The following OXR1 variants were observed in gnomAD, a reference collection of about 807,000 sequenced individuals.
The protein encoded by OXR1 is oxidation resistance 1, also known as oxidation resistance protein 1.
Under a neutral mutation model 104.6 loss-of-function variants are expected in OXR1, and 41 were observed. The ratio of observed to expected loss-of-function variants is 0.39; its 90% CI spans 0.31 to 0.51. The LOEUF is 0.51. Ranked by LOEUF, OXR1 falls within the 20% of genes least tolerant of loss-of-function variation. OXR1 has a pLI of 0.77. For missense variants in OXR1, 955 were observed against 1,031.9 expected (o/e 0.93, Z 1.02); for synonymous variants, 348 against 348.4 (o/e 1.00, Z 0.01).
intron 2 of OXR1, among the ~76,000 whole-genome samples, chr8:106,374,334 G>A (rs1202061414): frequency 6.6e-6 from 1 of 152,026 alleles, no homozygotes; most frequent in Non-Finnish European, 1.5e-5. Context: ...TCTTTTTAAT[G>A]ATTACATTTT....
In OXR1 at chr8:106,606,829, C is replaced by G. The variant is rs535493620; in HGVS notation, c.221-72381C>G. On this transcript the variant is annotated intron_variant, in intron 3 of 16. Coordinates refer to ENST00000517566, the MANE Select transcript of OXR1 (RefSeq NM_001198533.2). ...ATAAGAATATTTTTTAGGGGGTCAT[C>G]ATTCTGCCTACCTTGTTGGAGTACC... Among the ~76,000 whole-genome samples, 6 of 152,224 alleles carry G rather than the reference C, an allele frequency of 3.9e-5. No individual in the cohort carries two copies. The East Asian group carries it at 5.8e-4, about 15-fold the overall frequency.
chr8:106,441,841 A>G (rs1422565801), intron 2 of OXR1, among the ~76,000 whole-genome samples: 1 of 152,206 alleles, frequency 6.6e-6, no homozygotes, highest in East Asian at 1.9e-4. Flanking sequence ...TTTTCAAAAT[A>G]TAAAGACATG....
chr8:106,302,093 GCCT>G lies in OXR1; in HGVS notation c.-139+31730_-139+31732del, dbSNP rs1223893955. 3.3e-5 allele frequency among the ~76,000 whole-genome samples: 5 copies of G among 152,216 alleles called. No homozygotes were observed. In the East Asian group the frequency reaches 9.7e-4, roughly 29 times the overall value. On this transcript the variant is annotated intron_variant, in intron 1 of 16. Coordinates refer to ENST00000517566, the MANE Select transcript of OXR1 (RefSeq NM_001198533.2). ...AGCTTGAAGTCACCTGGGAGTGTTG[GCCT>G]CCTAACTTTATAAAGAGTTCATGGC... is the stretch of plus-strand genomic sequence containing the variant.
chr8:106,748,342 ATTG>A (rs540192097), intron 16 of OXR1, among the ~76,000 whole-genome samples: 14 of 151,978 alleles, frequency 9.2e-5, no homozygotes, highest in Non-Finnish European at 1.3e-4. Flanking sequence ...CAGACTCTGG[ATTG>A]TTATGATTTT....
At chr8:106,642,955 T>A (rs1823782730) in intron 3 of OXR1, among the ~76,000 whole-genome samples, 1 of 152,202 alleles carries the variant, frequency 6.6e-6, no homozygotes. Context: ...TTTAGTGGAT[T>A]CATACTTCTT....
At chr8:106,728,688 A>C (rs1833582299) in intron 11 of OXR1, among the ~76,000 whole-genome samples, 1 of 152,102 alleles carries the variant, frequency 6.6e-6, no homozygotes, top group Non-Finnish European at 1.5e-5. Flanking sequence ...TTAATCATTC[A>C]TTTATTTGAA....
chr8:106,562,461 T>C (rs1433186123), intron 3 of OXR1, among the ~76,000 whole-genome samples: 1 of 152,076 alleles, frequency 6.6e-6, no homozygotes, highest in Non-Finnish European at 1.5e-5. Flanking sequence ...CCTAGAAATA[T>C]AGGACTATGT....
At chr8:106,727,331 A>C (rs1007697704) in intron 11 of OXR1, among the ~76,000 whole-genome samples, 11 of 152,186 alleles carry the variant, frequency 7.2e-5, no homozygotes, top group African/African-American at 2.4e-4. Context: ...AATTGTGGTT[A>C]TTCTGAAATT....
chr8:106,336,009 TCACCTGAA>T (rs1443066135), intron 1 of OXR1, among the ~76,000 whole-genome samples: 1 of 152,066 alleles, frequency 6.6e-6, no homozygotes, highest in Non-Finnish European at 1.5e-5. Flanking sequence ...GGCAGGAGAA[TCACCTGAA>T]CCCCGGAGGC....
intron 3 of OXR1, among the ~76,000 whole-genome samples, chr8:106,551,527 G>A (rs141652460): frequency 1.1e-3 from 169 of 152,194 alleles, no homozygotes; most frequent in African/African-American, 3.7e-3. Flanking sequence ...TAACAATTCA[G>A]TTTCAAATGC....
chr8:106,596,622 G>C (rs1459585754), intron 3 of OXR1, among the ~76,000 whole-genome samples: 1 of 152,172 alleles, frequency 6.6e-6, no homozygotes, highest in Non-Finnish European at 1.5e-5. Flanking sequence ...TTTTAGAGAG[G>C]TCAGAGTGGG....
At chr8:106,499,942 G>A (rs930751480) in intron 2 of OXR1, among the ~76,000 whole-genome samples, 8 of 152,152 alleles carry the variant, frequency 5.3e-5, no homozygotes, top group Non-Finnish European at 1.0e-4. Context: ...GGCCTGTGAC[G>A]CTGAGAAGTG....
chr8:106,428,210 T>C (rs1330232307), intron 2 of OXR1, among the ~76,000 whole-genome samples: 1 of 152,142 alleles, frequency 6.6e-6, no homozygotes, highest in Non-Finnish European at 1.5e-5. Context: ...GCTCCTTCCA[T>C]GTTCTTCCTC....
chr8:106,583,175 A>G (rs778407201), intron 3 of OXR1, among the ~76,000 whole-genome samples: 40 of 152,132 alleles, frequency 2.6e-4, no homozygotes, highest in Admixed American at 7.2e-4. Flanking sequence ...AAGGCTAAGT[A>G]TTTTTCATAT....
At chr8:106,356,414 T>A (rs1815973595) in intron 1 of OXR1, among the ~76,000 whole-genome samples, 2 of 152,184 alleles carry the variant, frequency 1.3e-5, no homozygotes, top group South Asian at 4.1e-4. Flanking sequence ...ACATTAAGTC[T>A]ATCTTGGTCA....
In OXR1 at chr8:106,633,210, C is replaced by T. The variant is rs145639691; in HGVS notation, c.221-46000C>T. Among the ~76,000 whole-genome samples, 599 of 151,628 alleles carry T rather than the reference C, an allele frequency of 4.0e-3. 1 individual carries two copies. The highest frequency in any genetic ancestry group is 6.8e-3 in the Non-Finnish European group (464 of 67,894). ...TTGCGCCACTGCACTCCAGCCTGGGCGACACAGTGAGATTCCATCAAAAAA... is the reference window on the plus strand; with the variant it reads ...TTGCGCCACTGCACTCCAGCCTGGGTGACACAGTGAGATTCCATCAAAAAA... On this transcript the variant is annotated intron_variant, in intron 3 of 16. Coordinates refer to ENST00000517566, the MANE Select transcript of OXR1 (RefSeq NM_001198533.2).
At chr8:106,713,263 T>TTTA (rs1831885935) in intron 10 of OXR1, among the ~76,000 whole-genome samples, 1 of 151,910 alleles carries the variant, frequency 6.6e-6, no homozygotes, top group Admixed American at 6.6e-5. Flanking sequence ...CTCAAATACA[T>TTTA]TTATCAGGGA....
intron 11 of OXR1, among the ~76,000 whole-genome samples, chr8:106,728,514 A>G (rs1433150921): frequency 6.6e-6 from 1 of 152,166 alleles, no homozygotes; most frequent in Non-Finnish European, 1.5e-5. Flanking sequence ...TCTCAAATAC[A>G]TTAATAACTA....
chr8:106,576,482 A>AAAAAAAAAAAAAAAAAAG (rs1563617190), intron 3 of OXR1, among the ~76,000 whole-genome samples: 1 of 144,746 alleles, frequency 6.9e-6, no homozygotes. Flanking sequence ...AAAAAAAAAA[A>AAAAAAAAAAAAAAAAAAG]AAAGAAAACA....
Sources: gnomAD v4.1 joint callset for allele counts (sites outside exome capture counted in the v4.1 genomes callset) on GRCh38, gnomAD v4.1.1 for gene constraint, MANE v1.5 for transcripts, NCBI Gene and HGNC (gene_info 2026-07-23, HGNC 2026-07-21) for gene names.